Variants in ZFYVE16 observed in about 807,000 individuals in gnomAD.
ZFYVE16 encodes zinc finger FYVE domain-containing protein 16.
Under a neutral mutation model 138.1 loss-of-function variants are expected in ZFYVE16, and 89 were observed. The ratio of observed to expected loss-of-function variants is 0.64; its 90% CI spans 0.54 to 0.77. ZFYVE16 has a LOEUF of 0.77. Ranked by LOEUF, ZFYVE16 falls within the 30% of genes least tolerant of loss-of-function variation. ZFYVE16 has a pLI of 0.00. For missense variants in ZFYVE16, 1,793 were observed against 1,786.7 expected (o/e 1.00, Z -0.06); for synonymous variants, 596 against 618.3 (o/e 0.96, Z 0.53).
intron 1 of ZFYVE16, among the ~76,000 whole-genome samples, chr5:80,417,346 A>G (rs536785967): frequency 6.6e-6 from 1 of 152,316 alleles, no homozygotes; most frequent in East Asian, 1.9e-4. Flanking sequence ...TCTGCATGCC[A>G]ATCTAGGATC....
At chr5:80,449,192 A>G (rs1045734171) in intron 8 of ZFYVE16, among the ~76,000 whole-genome samples, 3 of 152,048 alleles carry the variant, frequency 2.0e-5, no homozygotes, top group Non-Finnish European at 2.9e-5. Flanking sequence ...TGATATAGGC[A>G]TGTGGTAACA....
intron 13 of ZFYVE16, 36 bp downstream of exon 13, chr5:80,456,601 G>C (rs780604413): frequency 6.5e-7 from 1 of 1,540,166 alleles, no homozygotes; most frequent in Non-Finnish European, 8.9e-7. Context: ...GACAATTATT[G>C]AACATTAGAG....
intron 18 of ZFYVE16, among the ~76,000 whole-genome samples, chr5:80,476,946 A>G: frequency 1.3e-5 from 2 of 152,278 alleles, no homozygotes; most frequent in South Asian, 4.1e-4. Flanking sequence ...TCAAAGCCTC[A>G]TCCCTCTAAT....
At chr5:80,421,223 G>A (rs377173688) in intron 1 of ZFYVE16, among the ~76,000 whole-genome samples, 2 of 152,058 alleles carry the variant, frequency 1.3e-5, no homozygotes, top group African/African-American at 4.8e-5. Flanking sequence ...TAGATTGCAA[G>A]AATTTTCTCC....
rs563908989 is a variant in ZFYVE16 at position 80,480,259 on chromosome 5, T to G, written c.*2882T>G. Reference sequence around the variant, plus strand: ...AATGGGAAACTATACGATAAAAAGTTGTGGAGCTAATCTGGAAAAGAACTG... The same window carrying G: ...AATGGGAAACTATACGATAAAAAGTGGTGGAGCTAATCTGGAAAAGAACTG... On this transcript the variant is annotated 3_prime_UTR_variant, in exon 19 of 19. Transcript: ENST00000505560. Among the ~76,000 whole-genome samples, 1 of 152,298 alleles carries G rather than the reference T, an allele frequency of 6.6e-6. No homozygotes were observed. The highest frequency in any genetic ancestry group is 1.9e-4 in the East Asian group (1 of 5,188).
intron 4 of ZFYVE16, 71 bp downstream of exon 4, chr5:80,439,078 A>C (rs1401821169): frequency 7.1e-7 from 1 of 1,405,686 alleles, no homozygotes; most frequent in African/African-American, 1.5e-5. Flanking sequence ...GTGATAGAAA[A>C]GGCTGATGAA....
At chr5:80,412,501 T>TA (rs1745594665) in intron 1 of ZFYVE16, among the ~76,000 whole-genome samples, 1 of 152,164 alleles carries the variant, frequency 6.6e-6, no homozygotes, top group East Asian at 1.9e-4. Flanking sequence ...CTTAATGAGA[T>TA]TTCATGTTAA....
chr5:80,430,981 G>A (rs547023775), intron 2 of ZFYVE16, among the ~76,000 whole-genome samples: 10 of 152,126 alleles, frequency 6.6e-5, no homozygotes, highest in African/African-American at 1.4e-4. Flanking sequence ...AGGACAGGAC[G>A]GATTCACAGC....
chr5:80,439,882 G>A, intron 4 of ZFYVE16, 54 bp from the exon 5 acceptor site: 6 of 1,474,930 alleles, frequency 4.1e-6, no homozygotes, highest in Non-Finnish European at 5.6e-6. Flanking sequence ...ACTGCCTCTA[G>A]TAGGTGTAAG....
chr5:80,476,933 T>C (rs113265253), intron 18 of ZFYVE16, among the ~76,000 whole-genome samples: 1,657 of 152,272 alleles, frequency 0.011, 31 homozygotes, highest in African/African-American at 0.037. Flanking sequence ...TGTCGGCAGT[T>C]ATTCAAAGCC....
chr5:80,450,377 G>C, intron 9 of ZFYVE16, 54 bp from the exon 10 acceptor site: 1 of 1,554,560 alleles, frequency 6.4e-7, no homozygotes, highest in Non-Finnish European at 8.8e-7. Flanking sequence ...ATTGTTCTTA[G>C]TTTTTTGACT....
In ZFYVE16 at chr5:80,482,901, T is replaced by C. The variant is rs1046350347; in HGVS notation, c.*5524T>C. 1.3e-5 allele frequency: 2 copies of C among 152,048 alleles called. No homozygotes were observed. The highest frequency in any genetic ancestry group is 4.8e-5 in the African/African-American group (2 of 41,416). The allele number at this position is 152,048 out of a possible 1,614,324, so 9.4% of individuals were successfully genotyped here. A position where few individuals can be genotyped will look rare whatever the true frequency, so the allele number is the denominator to read the frequency against. On this transcript the variant is annotated 3_prime_UTR_variant, in exon 19 of 19. Coordinates refer to ENST00000505560, the MANE Select transcript of ZFYVE16 (RefSeq NM_001284236.3). ...TTTTTTATGAGATGGAGTCTCACTC[T>C]GTTGCCCAGGCTGGAATGGATTGGT...
chr5:80,470,043 ATGTG>A (rs1211889753), intron 15 of ZFYVE16, among the ~76,000 whole-genome samples: 1 of 144,822 alleles, frequency 6.9e-6, no homozygotes, highest in Non-Finnish European at 1.5e-5. Context: ...GTGTATATAT[ATGTG>A]TGTGTGTGTA....
At chr5:80,457,420 A>G (rs1005916706) in intron 14 of ZFYVE16, among the ~76,000 whole-genome samples, 13 of 151,990 alleles carry the variant, frequency 8.6e-5, no homozygotes, top group African/African-American at 3.1e-4. Context: ...CTCTGCTCCA[A>G]CTCCTCTTAG....
At chr5:80,420,216 T>G (rs900838117) in intron 1 of ZFYVE16, among the ~76,000 whole-genome samples, 4 of 150,196 alleles carry the variant, frequency 2.7e-5, no homozygotes, top group Non-Finnish European at 5.9e-5. Flanking sequence ...AAGGGATTCT[T>G]TTGCCTCAGC....
Position 80,438,267 on chromosome 5 carries a change from A to T in ZFYVE16, c.1582A>T (p.Ile528Phe). The change falls in exon 4 of 19, where the codon ATT becomes TTT. Residue 528 changes from isoleucine (I) to phenylalanine (F), a missense_variant. Around this residue, in one of 2 missense-constraint regions of ZFYVE16, gnomAD observed 1,295 missense variants for 1,204.3 expected, o/e 1.08. Transcript: ENST00000505560. ...TGAAGGCGCAAAAAGTGGCCCACTA[A>T]TTAGTGATGCTGAACTTGATGCCTT... is the stretch of plus-strand genomic sequence containing the variant. ...IDEGAKSGPLISDAELDAFLT... is the reference protein window; with the variant it reads ...IDEGAKSGPLFSDAELDAFLT... The T allele has an allele frequency of 6.2e-7, 1 of 1,614,064 alleles. No homozygotes were observed. The highest frequency in any genetic ancestry group is 8.5e-7 in the Non-Finnish European group (1 of 1,179,970).
Position 80,456,478 on chromosome 5 carries a change from G to A in ZFYVE16, c.3708G>A (p.Gln1236=). 6.2e-7 allele frequency: 1 copy of A among 1,612,112 alleles called. No individual in the cohort carries two copies. Among genetic ancestry groups the A allele is most frequent in the Non-Finnish European group, 8.5e-7 (1 of 1,179,006 alleles). The change falls in exon 13 of 19, where the codon CAG becomes CAA. Residue 1236 remains glutamine (Q), a synonymous_variant. Transcript: ENST00000505560. ...MNLLVDLRNY[Q]YTLHNIDQLL... The stretch of plus-strand genomic sequence containing the variant: ...CTATGTAGGACCTTCGAAATTACCA[G>A]TATACCTTGCATAATATAGATCAAC...
At position 80,451,366 on chromosome 5, in the gene ZFYVE16, A is replaced by T. The variant is rs1751972239; in HGVS notation, c.3383-119A>T. On this transcript the variant is annotated intron_variant, in intron 10 of 18. Coordinates refer to ENST00000505560, the MANE Select transcript of ZFYVE16 (RefSeq NM_001284236.3). Reference sequence around the variant, plus strand: ...ATAGTGTCTTAACTTCAGACAGTTTATATTGGGACAGTTTATATGTATTGG... The same window carrying T: ...ATAGTGTCTTAACTTCAGACAGTTTTTATTGGGACAGTTTATATGTATTGG... 4.2e-6 allele frequency: 3 copies of T among 721,274 alleles called. No homozygotes were observed. In the East Asian group the frequency reaches 8.2e-5, roughly 20 times the overall value. The allele number at this position is 721,274 out of a possible 1,614,324, so 44.7% of individuals were successfully genotyped here.
chr5:80,461,765 C>G (rs1462926877), intron 15 of ZFYVE16, among the ~76,000 whole-genome samples: 1 of 152,048 alleles, frequency 6.6e-6, no homozygotes, highest in African/African-American at 2.4e-5. Flanking sequence ...CATTTGAGGT[C>G]AGGAGTTTGA....
Sources: allele counts gnomAD v4.1 joint callset (sites outside exome capture counted in the v4.1 genomes callset), GRCh38; gene constraint gnomAD v4.1.1; regional missense constraint gnomAD v4.1.1; transcripts MANE v1.5; gene names NCBI Gene and HGNC (gene_info 2026-07-23, HGNC 2026-07-21).